SRC: variants seen among roughly 807,000 people sequenced by gnomAD.
SRC encodes SRC proto-oncogene, non-receptor tyrosine kinase.
Under a neutral mutation model 62.9 loss-of-function variants are expected in SRC, and 13 were observed. That is an observed-to-expected ratio of 0.21 (90% CI 0.13 to 0.33). The LOEUF is 0.33. Among genes scored for constraint, SRC ranks in the 10% least tolerant of loss-of-function variants. The probability of loss-of-function intolerance (pLI) is 1.00; values close to 1 mark genes in which losing one functional copy is unlikely to be tolerated. For synonymous variants in SRC, 302 were observed against 317.5 expected (o/e 0.95, Z 0.52); for missense variants, 457 against 737.3 (o/e 0.62, Z 4.40).
At position 37,402,350 on chromosome 20, in the gene SRC, G is replaced by A; in HGVS notation, c.1117-85G>A. The stretch of plus-strand genomic sequence containing the variant: ...GTGTGGGGAGGGTGGGGAAGGGGTG[G>A]TTGGCTCTCCAGCCCCAGAGTGCTC... On this transcript the variant is annotated intron_variant, in intron 11 of 13. Transcript: ENST00000373578. The surrounding 1 kb of genome is among the most constrained non-coding windows in gnomAD (Gnocchi z 6.2). 6.5e-7 allele frequency: 1 copy of A among 1,530,362 alleles called. No homozygotes were observed. The highest frequency in any genetic ancestry group is 2.3e-5 in the East Asian group (1 of 44,064). 94.8% of individuals were successfully genotyped at this position (1,530,362 alleles called of 1,614,324 possible). A position where few individuals can be genotyped will look rare whatever the true frequency, so the allele number is the denominator to read the frequency against.
rs115996542 is a variant in SRC at position 37,352,858 on chromosome 20, T to C, written c.-247+6603T>C. 1.9e-3 allele frequency among the ~76,000 whole-genome samples: 292 copies of C among 152,278 alleles called. 1 individual carries two copies. Among genetic ancestry groups the C allele is most frequent in the African/African-American group, 5.8e-3 (240 of 41,558 alleles). On this transcript the variant is annotated intron_variant, in intron 1 of 13. Coordinates refer to ENST00000373578, the MANE Select transcript of SRC (RefSeq NM_198291.3). The stretch of plus-strand genomic sequence containing the variant: ...GCAGCTCCCACTGCCTGGTGTGCCC[T>C]CCCTCTCAGTGCCCCTCCAGTGGCT...
chr20:37,345,957 C>T (rs2069709417), upstream of SRC, among the ~76,000 whole-genome samples: 1 of 151,906 alleles, frequency 6.6e-6, no homozygotes, highest in East Asian at 2.0e-4. Context: ...GGGTCTCTCC[C>T]GGGTCACCGG....
intron 2 of SRC, among the ~76,000 whole-genome samples, chr20:37,369,633 T>G (rs2070129636): frequency 6.6e-6 from 1 of 152,164 alleles, no homozygotes; most frequent in African/African-American, 2.4e-5. Context: ...ATGTTTCATT[T>G]TCGTTCCTAA....
intron 5 of SRC, among the ~76,000 whole-genome samples, chr20:37,393,212 C>G (rs1334572559): frequency 6.6e-6 from 1 of 152,254 alleles, no homozygotes; most frequent in Non-Finnish European, 1.5e-5. Flanking sequence ...CCAGCCCCCT[C>G]TGGCCTCAGT....
chr20:37,345,670 C>T (rs117794732), upstream of SRC, among the ~76,000 whole-genome samples: 2,002 of 152,372 alleles, frequency 0.013, 19 homozygotes, highest in Non-Finnish European at 0.019. Flanking sequence ...TTCCGCCGCT[C>T]AGGCCAGGTG....
chr20:37,350,501 G>A (rs1447812108), intron 1 of SRC, among the ~76,000 whole-genome samples: 2 of 152,116 alleles, frequency 1.3e-5, no homozygotes, highest in Non-Finnish European at 2.9e-5. Context: ...GGCTGGCTCC[G>A]TGTCGCTGTT....
intron 5 of SRC, among the ~76,000 whole-genome samples, chr20:37,390,044 A>G (rs913160607): frequency 1.3e-5 from 2 of 152,144 alleles, no homozygotes; most frequent in Admixed American, 6.6e-5. Flanking sequence ...ATGGGGATTG[A>G]TATCTCCATT....
intron 5 of SRC, chr20:37,386,572 C>T: frequency 1.4e-6 from 1 of 693,882 alleles, no homozygotes. Flanking sequence ...TGCCTGTGAT[C>T]TCTGGCTCTC....
intron 1 of SRC, among the ~76,000 whole-genome samples, chr20:37,353,689 C>A (rs768364453): frequency 1.3e-5 from 2 of 152,170 alleles, no homozygotes; most frequent in Non-Finnish European, 2.9e-5. Flanking sequence ...GGGACTTGCC[C>A]AAGGTCATCC....
chr20:37,399,794 C>T (rs1449685091), intron 9 of SRC, among the ~76,000 whole-genome samples: 1 of 152,216 alleles, frequency 6.6e-6, no homozygotes, highest in African/African-American at 2.4e-5. Context: ...GATCCACCCG[C>T]CTCGGCCCCC....
intron 1 of SRC, among the ~76,000 whole-genome samples, chr20:37,361,556 G>A (rs1429841843): frequency 1.3e-5 from 2 of 152,332 alleles, no homozygotes; most frequent in South Asian, 4.1e-4. Flanking sequence ...GGAGGAGGGG[G>A]CACTGTGTGT....
rs2070806287 is a variant in SRC at position 37,405,044 on chromosome 20, C to T, written c.*1665C>T. ...CAGGGGTTCTTGAGCCAGCCAGGCC[C>T]TGCCAGTGGGGAAGGAGGCCAAGCA... On this transcript the variant is annotated 3_prime_UTR_variant, in exon 14 of 14. Transcript: ENST00000373578. 4.3e-6 allele frequency: 1 copy of T among 233,276 alleles called. No homozygotes were observed. The highest frequency in any genetic ancestry group is 5.6e-5 in the Admixed American group (1 of 17,754). The allele number at this position is 233,276 out of a possible 1,614,324, so 14.5% of individuals were successfully genotyped here. A position where few individuals can be genotyped will look rare whatever the true frequency, so the allele number is the denominator to read the frequency against.
At position 37,384,317 on chromosome 20, in the gene SRC, C is replaced by G. The variant is rs1206123440; in HGVS notation, c.164C>G (p.Ala55Gly). The change falls in exon 4 of 14, where the codon GCC (alanine) becomes GGC (glycine). Residue 55 changes from alanine (A) to glycine (G), a missense_variant. By Grantham distance (60) the Ala-to-Gly change is moderately conservative. Around this residue, in one of 4 missense-constraint regions of SRC, gnomAD observed 132 missense variants for 135.4 expected, o/e 0.98. Transcript: ENST00000373578. This position sits in a 1 kb window ranked among gnomAD's most constrained non-coding sequence, Gnocchi z 6.7. The stretch of plus-strand genomic sequence containing the variant: ...CACCGCGGCCCCAGCGCGGCCTTCG[C>G]CCCCGCGGCCGCCGAGCCCAAGCTG... ...DGHRGPSAAF[A>G]PAAAEPKLFG... 2 of 1,466,154 alleles carry G rather than the reference C, an allele frequency of 1.4e-6. No individual in the cohort carries two copies. The highest frequency in any genetic ancestry group is 1.8e-6 in the Non-Finnish European group (2 of 1,114,722). 90.8% of individuals were successfully genotyped at this position (1,466,154 alleles called of 1,614,324 possible).
Position 37,402,831 on chromosome 20 carries a change from C to T in SRC, c.1353C>T (p.Phe451=), listed in dbSNP as rs141011727. 89 of 1,614,040 alleles carry T rather than the reference C, an allele frequency of 5.5e-5. No homozygotes were observed. The highest frequency in any genetic ancestry group is 6.7e-5 in the Non-Finnish European group (79 of 1,179,992). ...CCATCAAGTCGGACGTGTGGTCCTTCGGGATCCTGCTGACTGAGCTCACCA... is the reference window on the plus strand; with the variant it reads ...CCATCAAGTCGGACGTGTGGTCCTTTGGGATCCTGCTGACTGAGCTCACCA... The part of the protein sequence containing the change: ...RFTIKSDVWS[F]GILLTELTTK... The change falls in exon 13 of 14, where the codon TTC becomes TTT. Residue 451 remains phenylalanine (F), a synonymous_variant. Transcript: ENST00000373578. The surrounding 1 kb of genome is among the most constrained non-coding windows in gnomAD (Gnocchi z 6.2).
chr20:37,393,823 G>C, intron 5 of SRC, 72 bp from the exon 6 acceptor site: 1 of 1,186,146 alleles, frequency 8.4e-7, no homozygotes, highest in Non-Finnish European at 1.2e-6. Flanking sequence ...CAGCACCTAG[G>C]AGGATGGTGG....
intron 2 of SRC, among the ~76,000 whole-genome samples, chr20:37,371,772 G>T (rs1293513774): frequency 6.6e-6 from 1 of 152,150 alleles, no homozygotes. Flanking sequence ...TGTGATCTCA[G>T]CTCACTGCAA....
At chr20:37,357,367 G>C (rs1316978050) in intron 1 of SRC, among the ~76,000 whole-genome samples, 1 of 152,160 alleles carries the variant, frequency 6.6e-6, no homozygotes, top group African/African-American at 2.4e-5. Context: ...CACCTTCTCA[G>C]GCAAGTCCCA....
At chr20:37,347,140 T>G (rs553764652) in intron 1 of SRC, among the ~76,000 whole-genome samples, 4 of 152,238 alleles carry the variant, frequency 2.6e-5, no homozygotes, top group Admixed American at 6.5e-5. Flanking sequence ...TCAGGTGGAC[T>G]TAGGAGTGGA....
At chr20:37,366,561 C>T (rs918951455) in intron 2 of SRC, among the ~76,000 whole-genome samples, 3 of 152,204 alleles carry the variant, frequency 2.0e-5, no homozygotes, top group Admixed American at 6.5e-5. Context: ...GCCTAGGCAG[C>T]AACTAATCTA....
Sources: allele counts gnomAD v4.1 joint callset (sites outside exome capture counted in the v4.1 genomes callset), GRCh38; gene constraint gnomAD v4.1.1; regional missense constraint gnomAD v4.1.1; non-coding constraint Gnocchi (gnomAD v3.1); transcripts MANE v1.5; gene names NCBI Gene and HGNC (gene_info 2026-07-23, HGNC 2026-07-21).